SEPTIN11: variants seen among roughly 807,000 people sequenced by gnomAD.
SEPTIN11 encodes septin 11, also known as septin-11.
In SEPTIN11, 25 loss-of-function variants were observed where a neutral mutation model predicts 51.4. The observed-to-expected ratio is 0.49, with a 90% CI of 0.35 to 0.68. The LOEUF is 0.68. Ranked by LOEUF, SEPTIN11 falls within the 30% of genes least tolerant of loss-of-function variation. The pLI, the probability that SEPTIN11 is intolerant of heterozygous loss-of-function variation, is 0.00. For missense variants in SEPTIN11, 381 were observed against 520.8 expected (o/e 0.73, Z 2.61); for synonymous variants, 174 against 184.1 (o/e 0.95, Z 0.44).
At chr4:77,018,219 G>A (rs1024655600) in intron 5 of SEPTIN11, among the ~76,000 whole-genome samples, 1 of 151,892 alleles carries the variant, frequency 6.6e-6, no homozygotes, top group African/African-American at 2.4e-5. Context: ...CGGAGGCCAA[G>A]GCGGGCGGAT....
intron 8 of SEPTIN11, 83 bp from the exon 9 acceptor site, chr4:77,030,700 T>G: frequency 7.5e-7 from 1 of 1,337,678 alleles, no homozygotes. Context: ...TGGCCATGTT[T>G]TGTTTTTTGA....
rs1175397070 is a variant in SEPTIN11, at chr4:77,035,342, G to A, written c.*830G>A. ...CAGCCTGCTTACCACTAACAGTAAG[G>A]AATCTTTCATAAACACACCTCAGTT... On this transcript the variant is annotated 3_prime_UTR_variant, in exon 10 of 10. Coordinates refer to ENST00000264893, the MANE Select transcript of SEPTIN11 (RefSeq NM_018243.4). 8.1e-6 allele frequency: 8 copies of A among 985,424 alleles called. No individual in the cohort carries two copies. Among genetic ancestry groups the A allele is most frequent in the Non-Finnish European group, 9.6e-6 (8 of 829,946 alleles). 61.0% of individuals were successfully genotyped at this position (985,424 alleles called of 1,614,324 possible).
chr4:77,034,981 C>G lies in SEPTIN11; in HGVS notation c.*469C>G. On this transcript the variant is annotated 3_prime_UTR_variant, in exon 10 of 10. Transcript: ENST00000264893. ...CTGAACTCACTGTCTTTTCTCCACA[C>G]TTGTCCTAAGCCAAGGTAGATTTGT... 1.0e-6 allele frequency: 1 copy of G among 986,506 alleles called. No individual in the cohort carries two copies. Among genetic ancestry groups the G allele is most frequent in the Non-Finnish European group, 1.2e-6 (1 of 830,418 alleles). The allele number at this position is 986,506 out of a possible 1,614,324, so 61.1% of individuals were successfully genotyped here.
intron 1 of SEPTIN11, among the ~76,000 whole-genome samples, chr4:76,978,266 G>C (rs1722595824): frequency 6.6e-6 from 1 of 152,094 alleles, no homozygotes; most frequent in Admixed American, 6.6e-5. Flanking sequence ...GTTTCCTGCT[G>C]TTCCCACTTC....
At chr4:77,028,916 T>C (rs546745497) in intron 8 of SEPTIN11, among the ~76,000 whole-genome samples, 155 bp downstream of exon 8, 5 of 152,224 alleles carry the variant, frequency 3.3e-5, no homozygotes, top group Admixed American at 6.5e-5. Flanking sequence ...GGGTCAGATA[T>C]TCTCATCCCT....
At chr4:76,950,674 G>A (rs1721293733) in intron 1 of SEPTIN11, among the ~76,000 whole-genome samples, 1 of 152,142 alleles carries the variant, frequency 6.6e-6, no homozygotes, top group Admixed American at 6.5e-5. Context: ...GAGTAGGAGG[G>A]AGGAGATACC....
chr4:77,025,889 C>G (rs1299250615), intron 7 of SEPTIN11, among the ~76,000 whole-genome samples: 2 of 152,150 alleles, frequency 1.3e-5, no homozygotes, highest in Non-Finnish European at 2.9e-5. Flanking sequence ...CCTGCTCTGG[C>G]CCAGGGTGTC....
chr4:77,039,612 G>A (rs1387907715), downstream of SEPTIN11: 2 of 984,064 alleles, frequency 2.0e-6, no homozygotes, highest in African/African-American at 1.8e-5. Flanking sequence ...CCTTCCTTTT[G>A]TTAGTTTTAT....
intron 9 of SEPTIN11, among the ~76,000 whole-genome samples, chr4:77,033,038 C>T (rs1156981788): frequency 6.6e-6 from 1 of 152,092 alleles, no homozygotes; most frequent in Non-Finnish European, 1.5e-5. Context: ...GAGTAGTCGC[C>T]AGGTTTTGCA....
At chr4:76,973,184 C>G (rs891811285) in intron 1 of SEPTIN11, 18 of 152,126 alleles carry the variant, frequency 1.2e-4, no homozygotes, top group African/African-American at 4.4e-4. Context: ...TCACTCAAAG[C>G]CTGTGTGGGG....
intron 8 of SEPTIN11, 131 bp from the exon 9 acceptor site, chr4:77,030,652 C>T (rs931744970): frequency 1.3e-4 from 98 of 768,598 alleles, no homozygotes; most frequent in Non-Finnish European, 2.0e-4. Context: ...ACCTCGGCCT[C>T]CCAAAGTGCT....
At chr4:77,020,693 G>GGT (rs769146925) in intron 7 of SEPTIN11, 23 bp downstream of exon 7, 2 of 1,609,888 alleles carry the variant, frequency 1.2e-6, no homozygotes, top group South Asian at 2.2e-5. Flanking sequence ...CTAGCAATCA[G>GGT]GTGTCTCCCA....
At chr4:76,969,875 T>A (rs1722171631) in intron 1 of SEPTIN11, among the ~76,000 whole-genome samples, 1 of 152,232 alleles carries the variant, frequency 6.6e-6, no homozygotes, top group Admixed American at 6.5e-5. Flanking sequence ...CATTTCATAA[T>A]ACTTTTGTAT....
downstream of SEPTIN11, chr4:77,039,206 CT>C (rs1175852353): frequency 8.0e-7 from 1 of 1,253,806 alleles, no homozygotes; most frequent in African/African-American, 1.6e-5. Context: ...GCCTCCTGTT[CT>C]TTTAAAGTCT....
intron 1 of SEPTIN11, among the ~76,000 whole-genome samples, chr4:76,971,167 G>A (rs144384151): frequency 4.6e-4 from 70 of 152,286 alleles, no homozygotes; most frequent in African/African-American, 1.4e-3. Flanking sequence ...CTGTGGAATT[G>A]TTTAATGTGG....
At position 76,949,923 on chromosome 4, in the gene SEPTIN11, G is replaced by A; in HGVS notation, c.20G>A (p.Arg7Lys). The A allele has an allele frequency of 1.3e-6, 2 of 1,526,670 alleles. No individual in the cohort carries two copies. The highest frequency in any genetic ancestry group is 2.7e-5 in the East Asian group (1 of 37,434). 94.6% of individuals were successfully genotyped at this position (1,526,670 alleles called of 1,614,324 possible). Residue 7 changes from arginine to lysine, a missense_variant, in exon 1 of 10, where the codon AGA becomes AAA. Around this residue, in one of 2 missense-constraint regions of SEPTIN11, gnomAD observed 184 missense variants for 207.7 expected, o/e 0.89. Coordinates refer to ENST00000264893, the MANE Select transcript of SEPTIN11 (RefSeq NM_018243.4). The part of the protein sequence containing the change: MAVAVG[R>K]PSNEELRNLS... ...GCTGCGATGGCCGTGGCCGTGGGGA[G>A]ACCGTCTGTGAGTGCTGGGGCCTCG...
At chr4:76,974,330 T>A (rs1722386670) in intron 1 of SEPTIN11, 1 of 155,916 alleles carries the variant, frequency 6.4e-6, no homozygotes, top group Admixed American at 6.3e-5. Flanking sequence ...ACTCATGTTG[T>A]GCCTCAACAC....
At chr4:76,971,993 A>T (rs1214068398) in intron 1 of SEPTIN11, among the ~76,000 whole-genome samples, 1 of 152,222 alleles carries the variant, frequency 6.6e-6, no homozygotes, top group Non-Finnish European at 1.5e-5. Context: ...GATCCACAAG[A>T]TACCACAAGC....
intron 1 of SEPTIN11, among the ~76,000 whole-genome samples, chr4:76,989,579 C>A (rs1367948535): frequency 6.6e-6 from 1 of 152,158 alleles, no homozygotes; most frequent in East Asian, 1.9e-4. Flanking sequence ...TCTGGGCACA[C>A]CGAGCTTGTT....
Sources: gnomAD v4.1 joint callset for allele counts (sites outside exome capture counted in the v4.1 genomes callset) on GRCh38, gnomAD v4.1.1 for gene constraint, gnomAD v4.1.1 regional missense constraint, MANE v1.5 for transcripts, NCBI Gene and HGNC (gene_info 2026-07-23, HGNC 2026-07-21) for gene names.